Variants in GLDC observed in about 807,000 individuals in gnomAD.
The protein encoded by GLDC is glycine decarboxylase.
GLDC carries 104 observed loss-of-function variants against 121.3 expected under a neutral mutation model. That is an observed-to-expected ratio of 0.86 (90% confidence interval 0.73 to 1.01). The LOEUF (loss-of-function observed/expected upper bound fraction) is 1.01, where lower values mean the gene tolerates loss of function less well. Among genes scored for constraint, GLDC ranks in the 50% least tolerant of loss-of-function variants. GLDC has a pLI of 0.00. For synonymous variants in GLDC, 546 were observed against 480.6 expected, an observed-to-expected ratio of 1.14 and a Z score of -1.78; for missense variants, 1,429 against 1,306.6, an observed-to-expected ratio of 1.09 and a Z score of -1.44.
intron 2 of GLDC, among the ~76,000 whole-genome samples, chr9:6,639,933 C>T (rs986373337): frequency 6.6e-6 from 1 of 152,074 alleles, no homozygotes; most frequent in Non-Finnish European, 1.5e-5. Flanking sequence ...GGCCAGAACT[C>T]GATTAATAAC....
At chr9:6,560,936 T>A (rs1450003496) in intron 16 of GLDC, among the ~76,000 whole-genome samples, 1 of 152,122 alleles carries the variant, frequency 6.6e-6, no homozygotes, top group African/African-American at 2.4e-5. Context: ...CAGAGGGAGA[T>A]GGGACCACAG....
At chr9:6,536,276 AGT>A (rs1817129359) in intron 22 of GLDC, 40 bp from the exon 23 acceptor site, 1 of 1,559,056 alleles carries the variant, frequency 6.4e-7, no homozygotes, top group African/African-American at 1.4e-5. Context: ...ACTGAAGGTC[AGT>A]GGCCTACCCA....
chr9:6,559,538 AAAAGAT>A (rs1334033998), intron 16 of GLDC, among the ~76,000 whole-genome samples: 1 of 146,842 alleles, frequency 6.8e-6, no homozygotes, highest in Non-Finnish European at 1.5e-5. Context: ...AAAAAAAAAA[AAAAGAT>A]CAACCTGGCC....
intron 15 of GLDC, among the ~76,000 whole-genome samples, chr9:6,571,442 T>C (rs777311474): frequency 6.6e-6 from 1 of 152,216 alleles, no homozygotes; most frequent in Non-Finnish European, 1.5e-5. Context: ...GTATCACTAC[T>C]CTTGTGCTTT....
At chr9:6,615,556 C>T (rs1245616906) in intron 3 of GLDC, among the ~76,000 whole-genome samples, 1 of 151,354 alleles carries the variant, frequency 6.6e-6, no homozygotes, top group Admixed American at 6.6e-5. Context: ...TACGCTAGTC[C>T]AGGTGACAGA....
At chr9:6,586,244 G>A (rs907661853) in intron 15 of GLDC, among the ~76,000 whole-genome samples, 1 of 152,040 alleles carries the variant, frequency 6.6e-6, no homozygotes, top group East Asian at 1.9e-4. Flanking sequence ...GCGGTGAGCC[G>A]AGATCACGCC....
intron 15 of GLDC, among the ~76,000 whole-genome samples, chr9:6,577,365 G>C (rs141917883): frequency 6.6e-6 from 1 of 152,220 alleles, no homozygotes; most frequent in African/African-American, 2.4e-5. Context: ...GCAGATGGAG[G>C]TGGTTATGTT....
intron 2 of GLDC, among the ~76,000 whole-genome samples, chr9:6,632,157 G>C (rs1232301386): frequency 6.6e-6 from 1 of 152,134 alleles, no homozygotes; most frequent in Admixed American, 6.5e-5. Flanking sequence ...GAAAATACAG[G>C]TGAATCAATG....
At chr9:6,594,893 T>G in intron 9 of GLDC, 121 bp downstream of exon 9, 1 of 735,390 alleles carries the variant, frequency 1.4e-6, no homozygotes, top group Admixed American at 1.8e-5. Flanking sequence ...GAAAGTATTT[T>G]TCCTCGTTTC....
At chr9:6,592,290 A>G in intron 10 of GLDC, 67 bp from the exon 11 acceptor site, 1 of 966,728 alleles carries the variant, frequency 1.0e-6, no homozygotes. Flanking sequence ...GAATCCCAAG[A>G]GAGGTCAAAG....
intron 2 of GLDC, among the ~76,000 whole-genome samples, chr9:6,630,912 C>A (rs1168713763): frequency 1.3e-5 from 2 of 152,216 alleles, no homozygotes; most frequent in African/African-American, 4.8e-5. Flanking sequence ...GAGCCAACTC[C>A]CTGTTACTTG....
intron 3 of GLDC, among the ~76,000 whole-genome samples, chr9:6,611,359 C>T (rs193196478): frequency 9.1e-4 from 138 of 152,268 alleles, no homozygotes; most frequent in Non-Finnish European, 1.4e-3. Context: ...AGATCGAGAC[C>T]ATCCTGGCTA....
intron 15 of GLDC, among the ~76,000 whole-genome samples, chr9:6,576,517 G>A (rs55748139): frequency 2.6e-5 from 4 of 151,994 alleles, no homozygotes; most frequent in African/African-American, 7.2e-5. Flanking sequence ...CCCAGGCTGG[G>A]GTGCAGTGGT....
chr9:6,549,530 C>G (rs535955102), intron 21 of GLDC, among the ~76,000 whole-genome samples: 1 of 152,234 alleles, frequency 6.6e-6, no homozygotes, highest in Admixed American at 6.5e-5. Flanking sequence ...TTCTCCCTCC[C>G]TCTTAATGTA....
Position 6,575,460 on chromosome 9 carries a change from A to G in GLDC, c.1851-10031T>C, listed in dbSNP as rs1818046947. ...TTAAAAATGCAAATTCTGGGGCCCT[A>G]CTCCAGACTTACTGAATCAGAAACT... On this transcript the variant is annotated intron_variant, in intron 15 of 24. Coordinates refer to ENST00000321612, the MANE Select transcript of GLDC (RefSeq NM_000170.3). Among the ~76,000 whole-genome samples the G allele has an allele frequency of 2.0e-5, 3 of 152,146 alleles. No individual in the cohort carries two copies. The South Asian group carries it at 6.2e-4, about 32-fold the overall frequency.
chr9:6,556,349 T>C (rs2129726883), intron 17 of GLDC, 47 bp from the exon 18 acceptor site: 8 of 1,517,130 alleles, frequency 5.3e-6, no homozygotes, highest in South Asian at 2.2e-5. Context: ...AGGATATGTT[T>C]CTTTCTTGGC....
At chr9:6,635,179 TG>T (rs1402698725) in intron 2 of GLDC, among the ~76,000 whole-genome samples, 1 of 152,236 alleles carries the variant, frequency 6.6e-6, no homozygotes, top group Non-Finnish European at 1.5e-5. Flanking sequence ...AACCTATAGC[TG>T]GGGATATCTT....
intron 17 of GLDC, chr9:6,557,771 T>C (rs1338126068): frequency 1.3e-5 from 2 of 152,400 alleles, no homozygotes; most frequent in African/African-American, 4.8e-5. Flanking sequence ...AGAGCAGGCA[T>C]GTTTGAGAAC....
intron 4 of GLDC, among the ~76,000 whole-genome samples, chr9:6,609,887 C>T (rs1818814744): frequency 1.3e-5 from 2 of 152,202 alleles, no homozygotes; most frequent in Admixed American, 1.3e-4. Flanking sequence ...GGCTCCCTGT[C>T]CTTCCTCCCA....
Sources: allele counts gnomAD v4.1 joint callset (sites outside exome capture counted in the v4.1 genomes callset), GRCh38; gene constraint gnomAD v4.1.1; transcripts MANE v1.5; gene names NCBI Gene and HGNC (gene_info 2026-07-23, HGNC 2026-07-21).